Variants in FOXP2 observed in about 807,000 individuals in gnomAD.
The protein encoded by FOXP2 is forkhead box P2.
FOXP2 carries 12 observed loss-of-function variants against 115.8 expected under a neutral mutation model. The observed-to-expected ratio is 0.10, with a 90% CI of 0.07 to 0.17. FOXP2 has a LOEUF of 0.17. Among genes scored for constraint, FOXP2 ranks in the 10% least tolerant of loss-of-function variants. FOXP2 has a pLI of 1.00. For missense variants in FOXP2, 629 were observed against 843.5 expected, an observed-to-expected ratio of 0.75 and a Z score of 3.15; for synonymous variants, 328 against 297.7, an observed-to-expected ratio of 1.10 and a Z score of -1.05.
chr7:114,334,651 C>A (rs79459926), intron 2 of FOXP2, among the ~76,000 whole-genome samples: 1 of 140,332 alleles, frequency 7.1e-6, no homozygotes, highest in African/African-American at 2.6e-5. Context: ...GGAAAAAAAA[C>A]CCATAGAGAA....
At chr7:114,376,175 A>G (rs1192779987) in intron 2 of FOXP2, among the ~76,000 whole-genome samples, 3 of 152,216 alleles carry the variant, frequency 2.0e-5, no homozygotes, top group Non-Finnish European at 4.4e-5. Flanking sequence ...CACAACCAGG[A>G]TTCAGATCTT....
rs539140242 is a variant in FOXP2, at chr7:114,518,842, A to G, written c.169-15775A>G. On this transcript the variant is annotated intron_variant, in intron 2 of 16. Transcript: ENST00000350908. ...AGAATGTAAAATTTTGCTTGAGTTA[A>G]TCACTTTGTTAGTTATTTGCTATCA... Among the ~76,000 whole-genome samples, 5 of 152,272 alleles carry G rather than the reference A, an allele frequency of 3.3e-5. No homozygotes were observed. The East Asian group carries it at 9.7e-4, about 29-fold the overall frequency.
At chr7:114,433,694 T>C (rs948249935) in intron 2 of FOXP2, among the ~76,000 whole-genome samples, 2 of 152,026 alleles carry the variant, frequency 1.3e-5, no homozygotes, top group African/African-American at 4.8e-5. Context: ...TTAAAACTAC[T>C]GTCAAAAATA....
At chr7:114,687,027 A>T (rs1808403079) in intron 16 of FOXP2, among the ~76,000 whole-genome samples, 1 of 152,150 alleles carries the variant, frequency 6.6e-6, no homozygotes, top group African/African-American at 2.4e-5. Context: ...AACTTTTATA[A>T]ATGTTGTATA....
chr7:114,504,490 G>A (rs1322920699), intron 2 of FOXP2, among the ~76,000 whole-genome samples: 7 of 151,288 alleles, frequency 4.6e-5, no homozygotes, highest in African/African-American at 7.3e-5. Context: ...CCTTGGTGTC[G>A]ACATTATAAA....
rs1584766064 is a variant in FOXP2 at position 114,462,650 on chromosome 7, C to G, written c.168+35971C>G. On this transcript the variant is annotated intron_variant, in intron 2 of 16. Transcript: ENST00000350908. ...CCTCCCAAAGTGCTAGGATTACAGG[C>G]GTGAGCCACCGCGCCCGGCTTCTCA... Among the ~76,000 whole-genome samples the G allele has an allele frequency of 1.3e-5, 2 of 152,206 alleles. 1 individual carries two copies. Among genetic ancestry groups the G allele is most frequent in the Middle Eastern group, 6.8e-3 (2 of 294 alleles).
At chr7:114,377,180 G>A (rs1323523581) in intron 2 of FOXP2, among the ~76,000 whole-genome samples, 1 of 152,126 alleles carries the variant, frequency 6.6e-6, no homozygotes, top group South Asian at 2.1e-4. Context: ...ATTACTGTGC[G>A]ATTTCTAGCC....
chr7:114,416,394 T>C (rs1270200030), intron 1 of FOXP2: 1 of 151,622 alleles, frequency 6.6e-6, no homozygotes, highest in Non-Finnish European at 1.5e-5. Context: ...CAACAGCTTT[T>C]TCCTCTGACC....
At chr7:114,653,301 G>A (rs1319682241) in intron 9 of FOXP2, 1 of 158,486 alleles carries the variant, frequency 6.3e-6, no homozygotes, top group Non-Finnish European at 1.4e-5. Flanking sequence ...GACCAATTAC[G>A]CCTATTTTTT....
chr7:114,286,701 C>A (rs1796474984), intron 1 of FOXP2, among the ~76,000 whole-genome samples: 1 of 151,918 alleles, frequency 6.6e-6, no homozygotes, highest in African/African-American at 2.4e-5. Flanking sequence ...TTCCAATTAC[C>A]TTAATGTTTA....
chr7:114,645,173 T>TAG (rs1264642623), intron 8 of FOXP2: 1 of 127,614 alleles, frequency 7.8e-6, no homozygotes, highest in Non-Finnish European at 1.6e-5. Flanking sequence ...TATATATATA[T>TAG]ATATATTTCA....
At chr7:114,291,165 A>G (rs1473769131) in intron 2 of FOXP2, among the ~76,000 whole-genome samples, 2 of 152,136 alleles carry the variant, frequency 1.3e-5, no homozygotes, top group African/African-American at 2.4e-5. Context: ...TGGAAGATTA[A>G]GTTCAGGGTG....
At chr7:114,275,753 G>A (rs1796171279) in intron 1 of FOXP2, among the ~76,000 whole-genome samples, 1 of 152,090 alleles carries the variant, frequency 6.6e-6, no homozygotes, top group African/African-American at 2.4e-5. Context: ...ATGTTTTCTT[G>A]ATAGCTGGAC....
intron 16 of FOXP2, chr7:114,667,265 A>G (rs1277127643): frequency 2.6e-5 from 4 of 152,254 alleles, no homozygotes; most frequent in Admixed American, 1.3e-4. Context: ...ATCTACAAAA[A>G]TAATTTTAAA....
chr7:114,490,759 G>A (rs1020790793), intron 2 of FOXP2, among the ~76,000 whole-genome samples: 1 of 152,022 alleles, frequency 6.6e-6, no homozygotes, highest in Admixed American at 6.6e-5. Context: ...TGCGGTGTTT[G>A]GTTTTTTGTC....
chr7:114,681,666 T>C (rs1325626177), intron 16 of FOXP2, among the ~76,000 whole-genome samples: 1 of 152,192 alleles, frequency 6.6e-6, no homozygotes, highest in Non-Finnish European at 1.5e-5. Context: ...AACCTGGCCA[T>C]TTAGCTTAGT....
chr7:114,372,376 G>C (rs1792034053), intron 2 of FOXP2, among the ~76,000 whole-genome samples: 1 of 152,162 alleles, frequency 6.6e-6, no homozygotes, highest in South Asian at 2.1e-4. Flanking sequence ...AATCTTGTAT[G>C]CTTGGGAATG....
intron 1 of FOXP2, among the ~76,000 whole-genome samples, chr7:114,172,619 G>A (rs577100432): frequency 2.6e-5 from 4 of 151,994 alleles, no homozygotes; most frequent in Non-Finnish European, 5.9e-5. Flanking sequence ...GATATACATG[G>A]GAACTCTCTG....
intron 3 of FOXP2, among the ~76,000 whole-genome samples, chr7:114,618,705 G>A (rs1332365244): frequency 6.6e-6 from 1 of 152,080 alleles, no homozygotes; most frequent in Non-Finnish European, 1.5e-5. Flanking sequence ...ACTTATTTTT[G>A]ATGTAAATCC....
Sources: allele counts gnomAD v4.1 joint callset (sites outside exome capture counted in the v4.1 genomes callset), GRCh38; gene constraint gnomAD v4.1.1; transcripts MANE v1.5; gene names NCBI Gene and HGNC (gene_info 2026-07-23, HGNC 2026-07-21).